Variants in DUSP6 observed in about 807,000 individuals in gnomAD.
The protein encoded by DUSP6 is dual specificity protein phosphatase 6.
In DUSP6, 6 loss-of-function variants were observed where a neutral mutation model predicts 28.0. That is an observed-to-expected ratio of 0.21 (90% CI 0.12 to 0.42). DUSP6 has a LOEUF of 0.42. Among genes scored for constraint, DUSP6 ranks in the 10% least tolerant of loss-of-function variants. The pLI is 1.00. For missense variants in DUSP6, 451 were observed against 498.1 expected (o/e 0.91, Z 0.90); for synonymous variants, 252 against 217.5 (o/e 1.16, Z -1.40).
At chr12:89,351,212 G>A in intron 1 of DUSP6, 187 bp from the exon 2 acceptor site, 2 of 720,980 alleles carry the variant, frequency 2.8e-6, no homozygotes, top group Non-Finnish European at 4.4e-6. Flanking sequence ...GGCCCGCCTC[G>A]CCAGGGAACC....
At position 89,350,994 on chromosome 12, in the gene DUSP6, G is replaced by A. The variant is rs1432639226; in HGVS notation, c.432C>T (p.Ser144=). 2 of 1,607,172 alleles carry A rather than the reference G, an allele frequency of 1.2e-6. No homozygotes were observed. Among genetic ancestry groups the A allele is most frequent in the Non-Finnish European group, 8.5e-7 (1 of 1,177,826 alleles). The part of the protein sequence containing the change: ...GGFSKFQAEF[S]LHCETNLDGS... ...CGTCTAGATTGGTCTCGCAATGCAG[G>A]GAGAACTCGGCTTGGAACTTACTGA... is the stretch of plus-strand genomic sequence containing the variant. Residue 144 remains serine (S), a synonymous_variant, in exon 2 of 3, where the codon TCC becomes TCT. Transcript: ENST00000279488.
chr12:89,352,043 G>A lies in DUSP6; in HGVS notation c.-4C>T, dbSNP rs952672259. The A allele has an allele frequency of 6.2e-7, 1 of 1,605,826 alleles. No individual in the cohort carries two copies. Among genetic ancestry groups the A allele is most frequent in the Admixed American group, 1.7e-5 (1 of 59,884 alleles). ...CGGGTCTGAGCGTATCTATCATGGG[G>A]GTCGAGCTGCGGGAGAGGGCGGGGT... is the stretch of plus-strand genomic sequence containing the variant. On this transcript the variant is annotated 5_prime_UTR_variant, in exon 1 of 3. Coordinates refer to ENST00000279488, the MANE Select transcript of DUSP6 (RefSeq NM_001946.4).
rs1329513787 is a variant in DUSP6 at position 89,352,138 on chromosome 12, G to C, written c.-99C>G. On this transcript the variant is annotated 5_prime_UTR_variant, in exon 1 of 3. Coordinates refer to ENST00000279488, the MANE Select transcript of DUSP6 (RefSeq NM_001946.4). ...CGCGCGAAGCTGCCGCTCTCGGAGCGGGGTTTAATTCCGCCTCGCCTTACC... is the reference window on the plus strand; with the variant it reads ...CGCGCGAAGCTGCCGCTCTCGGAGCCGGGTTTAATTCCGCCTCGCCTTACC... 1 of 1,513,668 alleles carries C rather than the reference G, an allele frequency of 6.6e-7. No homozygotes were observed. The highest frequency in any genetic ancestry group is 8.9e-7 in the Non-Finnish European group (1 of 1,127,834). The allele number at this position is 1,513,668 out of a possible 1,614,324, so 93.8% of individuals were successfully genotyped here. A position where few individuals can be genotyped will look rare whatever the true frequency, so the allele number is the denominator to read the frequency against.
intron 1 of DUSP6, 90 bp downstream of exon 1, chr12:89,351,550 G>A: frequency 6.9e-7 from 1 of 1,440,624 alleles, no homozygotes; most frequent in Non-Finnish European, 9.2e-7. Flanking sequence ...CTCCAGCTGA[G>A]CGGAGCAGAG....
rs1358369926 is a variant in DUSP6, at chr12:89,348,493, T to C, written c.*761A>G. The C allele has an allele frequency of 1.3e-5, 2 of 152,392 alleles. No individual in the cohort carries two copies. Among genetic ancestry groups the C allele is most frequent in the African/African-American group, 2.4e-5 (1 of 41,428 alleles). 9.4% of individuals were successfully genotyped at this position (152,392 alleles called of 1,614,324 possible). On this transcript the variant is annotated 3_prime_UTR_variant, in exon 3 of 3. Transcript: ENST00000279488. The stretch of plus-strand genomic sequence containing the variant: ...GAGAAAAAATCATGAGGAAAATACA[T>C]GAAAAAGACTAAAGACTTCGCCATA...
In DUSP6 at chr12:89,350,896, G is replaced by A. The variant is rs748460884; in HGVS notation, c.530C>T (p.Ser177Phe). Residue 177 changes from serine (S) to phenylalanine (F), a missense_variant, in exon 2 of 3, where the codon TCC (serine) becomes TTC (phenylalanine). This residue lies in a region of DUSP6 where 347 missense variants were observed against 346.6 expected (regional missense o/e 1.00). Coordinates refer to ENST00000279488, the MANE Select transcript of DUSP6 (RefSeq NM_001946.4). Reference protein sequence around the residue: ...LGGLRISSDSSSDIESDLDRD... With the variant: ...LGGLRISSDSFSDIESDLDRD... ...GTCAAGGTCAGACTCGATGTCCGAG[G>A]AAGAGTCAGAGCTGATCCGCAGGCC... is the stretch of plus-strand genomic sequence containing the variant. The A allele has an allele frequency of 4.2e-5, 67 of 1,613,860 alleles. 1 individual carries two copies. Among genetic ancestry groups the A allele is most frequent in the South Asian group, 3.6e-4 (33 of 91,088 alleles).
At chr12:89,351,607 C>T in intron 1 of DUSP6, 33 bp downstream of exon 1, 1 of 1,567,348 alleles carries the variant, frequency 6.4e-7, no homozygotes, top group Non-Finnish European at 8.7e-7. Flanking sequence ...GCCCCTAGCC[C>T]TGCCCCGCGC....
chr12:89,350,936 C>T lies in DUSP6; in HGVS notation c.490G>A (p.Val164Met), dbSNP rs1879160959. ...ATCCGCAGGCCCCCGAGCCCCAGCA[C>T]TGGCAACGGCGGCGAGCTGCTGCTA... ...SCSSSSPPLPVLGLGGLRISS... is the reference protein window; with the variant it reads ...SCSSSSPPLPMLGLGGLRISS... The change falls in exon 2 of 3, where the codon GTG becomes ATG. Residue 164 changes from valine (V) to methionine (M), a missense_variant. Physicochemically the swap from Val to Met is conservative, Grantham distance 21. Transcript: ENST00000279488. 2 of 1,613,584 alleles carry T rather than the reference C, an allele frequency of 1.2e-6. No homozygotes were observed. The highest frequency in any genetic ancestry group is 1.7e-6 in the Non-Finnish European group (2 of 1,179,946).
chr12:89,351,883 C>A lies in DUSP6; in HGVS notation c.157G>T (p.Ala53Ser), dbSNP rs759892905. The A allele has an allele frequency of 6.2e-7, 1 of 1,612,554 alleles. No homozygotes were observed. The highest frequency in any genetic ancestry group is 1.1e-5 in the South Asian group (1 of 91,080). The change falls in exon 1 of 3, where the codon GCC becomes TCC. Residue 53 changes from alanine to serine, a missense_variant. By Grantham distance (99) the Ala-to-Ser change is moderately conservative (BLOSUM62 1). Around this residue, in one of 2 missense-constraint regions of DUSP6, gnomAD observed 347 missense variants for 346.6 expected, o/e 1.00. Coordinates refer to ENST00000279488, the MANE Select transcript of DUSP6 (RefSeq NM_001946.4). ...ELYESSHIES[A>S]INVAIPGIML... is the part of the protein sequence containing the mutation. ...ATGCCCGGGATGGCCACGTTGATGG[C>A]CGACTCGATGTGCGACGACTCGTAT...
In DUSP6 at chr12:89,349,540, C is replaced by G. The variant is rs1381287837; in HGVS notation, c.860G>C (p.Cys287Ser). The G allele has an allele frequency of 6.2e-7, 1 of 1,609,920 alleles. No homozygotes were observed. Among genetic ancestry groups the G allele is most frequent in the African/African-American group, 1.3e-5 (1 of 74,858 alleles). The change falls in exon 3 of 3, where the codon TGT (cysteine) becomes TCT (serine). Residue 287 changes from cysteine to serine, a missense_variant. Cys to Ser is a moderately radical substitution (Grantham distance 112). Coordinates refer to ENST00000279488, the MANE Select transcript of DUSP6 (RefSeq NM_001946.4). ...AGCCAAGCAATGTACCAAGACACCA[C>G]AGTTCTTGCCCCGGGCTTCATCTGT... ...SFIDEARGKNCGVLVHCLAGI... is the reference protein window; with the variant it reads ...SFIDEARGKNSGVLVHCLAGI...
At position 89,350,690 on chromosome 12, in the gene DUSP6, G is replaced by T. The variant is rs763298286; in HGVS notation, c.736C>A (p.Leu246Ile). 1.2e-6 allele frequency: 2 copies of T among 1,614,166 alleles called. No homozygotes were observed. Among genetic ancestry groups the T allele is most frequent in the South Asian group, 2.2e-5 (2 of 91,088 alleles). ...TTAAACTCTCCTGCGTTCTCAAAGA[G>T]ATTCGGCAAATTGGGGGTGACGTTC... ...ILNVTPNLPN[L>I]FENAGEFKYK... Residue 246 changes from leucine to isoleucine, a missense_variant, in exon 2 of 3, where the codon CTC becomes ATC. Leu to Ile is a conservative substitution (Grantham distance 5). Around this residue, in one of 2 missense-constraint regions of DUSP6, gnomAD observed 347 missense variants for 346.6 expected, o/e 1.00. Coordinates refer to ENST00000279488, the MANE Select transcript of DUSP6 (RefSeq NM_001946.4).
At chr12:89,351,574 A>ACG in intron 1 of DUSP6, 66 bp downstream of exon 1, 1 of 1,482,664 alleles carries the variant, frequency 6.7e-7, no homozygotes, top group Non-Finnish European at 9.0e-7. Context: ...TTTTCAATCC[A>ACG]CGCGCCCCGC....
At chr12:89,350,226 T>C (rs1879133582) in intron 2 of DUSP6, among the ~76,000 whole-genome samples, 1 of 152,226 alleles carries the variant, frequency 6.6e-6, no homozygotes, top group Non-Finnish European at 1.5e-5. Flanking sequence ...TCCTAGATGT[T>C]TTTAAATTAT....
chr12:89,349,789 C>T (rs891729012), intron 2 of DUSP6, among the ~76,000 whole-genome samples: 1 of 152,096 alleles, frequency 6.6e-6, no homozygotes, highest in African/African-American at 2.4e-5. Flanking sequence ...AAGTTTCTGC[C>T]AACAAAAAAC....
chr12:89,349,887 A>T (rs1240503921), intron 2 of DUSP6, among the ~76,000 whole-genome samples: 1 of 152,238 alleles, frequency 6.6e-6, no homozygotes, highest in South Asian at 2.1e-4. Flanking sequence ...AGACAACCAG[A>T]CTGCAAGGGT....
chr12:89,349,549 C>T lies in DUSP6; in HGVS notation c.851G>A (p.Gly284Asp). The T allele has an allele frequency of 1.2e-6, 2 of 1,607,314 alleles. No individual in the cohort carries two copies. Among genetic ancestry groups the T allele is most frequent in the African/African-American group, 1.3e-5 (1 of 74,932 alleles). ...EAISFIDEAR[G>D]KNCGVLVHCL... ...ATGTACCAAGACACCACAGTTCTTG[C>T]CCCGGGCTTCATCTGTGAACACAAA... The change falls in exon 3 of 3, where the codon GGC becomes GAC. Residue 284 changes from glycine (G) to aspartate (D), a missense_variant. Transcript: ENST00000279488.
chr12:89,350,444 C>A, intron 2 of DUSP6, 144 bp downstream of exon 2: 1 of 812,916 alleles, frequency 1.2e-6, no homozygotes, highest in Non-Finnish European at 1.9e-6. Flanking sequence ...GAAGATAAAC[C>A]AGAATTAAGG....
Position 89,352,339 on chromosome 12 carries a change from T to G in DUSP6, c.-300A>C, listed in dbSNP as rs1443253506. ...CCAATTAATTCGGACTCCGTGCTAC[T>G]GAGAGGGGAGGAAAAAAAGTCTAGC... is the stretch of plus-strand genomic sequence containing the variant. On this transcript the variant is annotated 5_prime_UTR_variant, in exon 1 of 3. Transcript: ENST00000279488. 3 of 409,698 alleles carry G rather than the reference T, an allele frequency of 7.3e-6. No homozygotes were observed. The highest frequency in any genetic ancestry group is 1.3e-5 in the Non-Finnish European group (3 of 224,738). 25.4% of individuals were successfully genotyped at this position (409,698 alleles called of 1,614,324 possible). A position where few individuals can be genotyped will look rare whatever the true frequency, so the allele number is the denominator to read the frequency against.
chr12:89,350,027 T>C (rs1201109450), intron 2 of DUSP6, among the ~76,000 whole-genome samples: 1 of 152,152 alleles, frequency 6.6e-6, no homozygotes, highest in Non-Finnish European at 1.5e-5. Context: ...GAAAATGAGT[T>C]CCTTTGTAAT....
Sources: gnomAD v4.1 joint callset for allele counts (sites outside exome capture counted in the v4.1 genomes callset) on GRCh38, gnomAD v4.1.1 for gene constraint, gnomAD v4.1.1 regional missense constraint, MANE v1.5 for transcripts, NCBI Gene and HGNC (gene_info 2026-07-23, HGNC 2026-07-21) for gene names.